Variants in SLC35A1 observed in about 807,000 individuals in gnomAD.
The protein encoded by SLC35A1 is solute carrier family 35 member A1, also known as CMP-sialic acid transporter.
In SLC35A1, 21 loss-of-function variants were observed where a neutral mutation model predicts 40.3. The ratio of observed to expected loss-of-function variants is 0.52; its 90% confidence interval spans 0.37 to 0.75. SLC35A1 has a LOEUF of 0.75. SLC35A1 is among the 30% of genes least tolerant of loss of function. The probability of loss-of-function intolerance (pLI) is 0.00; values close to 1 mark genes in which losing one functional copy is unlikely to be tolerated. For missense variants in SLC35A1, 297 were observed against 382.1 expected, an observed-to-expected ratio of 0.78 and a Z score of 1.86; for synonymous variants, 146 against 147.3, an observed-to-expected ratio of 0.99 and a Z score of 0.06.
chr6:87,475,860 G>T (rs757583521), intron 1 of SLC35A1, among the ~76,000 whole-genome samples: 3 of 152,192 alleles, frequency 2.0e-5, no homozygotes, highest in Non-Finnish European at 4.4e-5. Context: ...GTCAAAGTAT[G>T]GCTCTGGAAA....
At chr6:87,480,635 TAAAG>T (rs993948835) in intron 2 of SLC35A1, among the ~76,000 whole-genome samples, 3 of 152,164 alleles carry the variant, frequency 2.0e-5, no homozygotes, top group African/African-American at 7.2e-5. Context: ...AAGCGCATCT[TAAAG>T]AAGCCTATAG....
At chr6:87,509,642 GGT>G (rs1770192522) in intron 7 of SLC35A1, among the ~76,000 whole-genome samples, 1 of 151,934 alleles carries the variant, frequency 6.6e-6, no homozygotes, top group Non-Finnish European at 1.5e-5. Flanking sequence ...TTTGCATTTG[GGT>G]GTGAGACGGT....
chr6:87,502,302 C>T (rs910519917), intron 4 of SLC35A1, among the ~76,000 whole-genome samples: 10 of 152,142 alleles, frequency 6.6e-5, no homozygotes, highest in Admixed American at 2.6e-4. Context: ...CTAAGTAATA[C>T]GAGGCACAGT....
At chr6:87,483,013 C>T (rs958199621) in intron 2 of SLC35A1, among the ~76,000 whole-genome samples, 5 of 152,140 alleles carry the variant, frequency 3.3e-5, no homozygotes, top group African/African-American at 1.2e-4. Flanking sequence ...GATCTCAGTG[C>T]TTTCAGGCTG....
intron 2 of SLC35A1, among the ~76,000 whole-genome samples, chr6:87,496,956 CTTG>C (rs1021958562): frequency 1.3e-5 from 2 of 151,980 alleles, no homozygotes; most frequent in African/African-American, 4.8e-5. Context: ...ATATATTGCT[CTTG>C]TTACTTTTAT....
chr6:87,497,079 C>G (rs1240978450), intron 2 of SLC35A1, among the ~76,000 whole-genome samples: 7 of 152,100 alleles, frequency 4.6e-5, no homozygotes, highest in African/African-American at 1.7e-4. Context: ...TTACCCTCTT[C>G]TTTAAAACTT....
chr6:87,476,394 T>C (rs1582163716), intron 1 of SLC35A1, among the ~76,000 whole-genome samples: 1 of 152,336 alleles, frequency 6.6e-6, no homozygotes, highest in South Asian at 2.1e-4. Flanking sequence ...GGTTTCATGC[T>C]TTGCATCCAC....
rs193274020 is a variant in SLC35A1 at position 87,508,915 on chromosome 6, C to T, written c.752-126C>T. 2.4e-5 allele frequency: 25 copies of T among 1,050,950 alleles called. No individual in the cohort carries two copies. The African/African-American group carries it at 2.8e-4, about 12-fold the overall frequency. The allele number at this position is 1,050,950 out of a possible 1,614,324, so 65.1% of individuals were successfully genotyped here. ...AGTACAAACTCTCAGATGGCTCCTTCTAAGGAAAACAGTATTTTCCTTTTC... is the reference window on the plus strand; with the variant it reads ...AGTACAAACTCTCAGATGGCTCCTTTTAAGGAAAACAGTATTTTCCTTTTC... On this transcript the variant is annotated intron_variant, in intron 6 of 7. Coordinates refer to ENST00000369552, the MANE Select transcript of SLC35A1 (RefSeq NM_006416.5).
At chr6:87,478,499 A>G (rs1277270204) in intron 2 of SLC35A1, among the ~76,000 whole-genome samples, 2 of 152,142 alleles carry the variant, frequency 1.3e-5, no homozygotes, top group Non-Finnish European at 2.9e-5. Flanking sequence ...AGCAGGGAGG[A>G]ATAGTGTTGT....
At chr6:87,497,919 G>A (rs1224311129) in intron 2 of SLC35A1, among the ~76,000 whole-genome samples, 3 of 151,032 alleles carry the variant, frequency 2.0e-5, no homozygotes, top group Admixed American at 6.6e-5. Flanking sequence ...TTAAGAGAAG[G>A]GATTTTCCTC....
chr6:87,491,691 T>G (rs1769556659), intron 2 of SLC35A1, among the ~76,000 whole-genome samples: 1 of 152,196 alleles, frequency 6.6e-6, no homozygotes. Flanking sequence ...TCTTACATTT[T>G]TGGAGGCTGG....
rs763621828 is a variant in SLC35A1, at chr6:87,506,443, T to C, written c.569T>C (p.Phe190Ser). 1.6e-5 allele frequency: 26 copies of C among 1,613,328 alleles called. No homozygotes were observed. Among genetic ancestry groups the C allele is most frequent in the Non-Finnish European group, 2.0e-5 (23 of 1,179,476 alleles). ...GCTATTGCTGTATTGTGCTCAGGAT[T>C]TGCAGGTAAATCATGAAAGCATTGT... ...AIAIAVLCSGFAGVYFEKVLK... is the reference protein window; with the variant it reads ...AIAIAVLCSGSAGVYFEKVLK... Residue 190 changes from phenylalanine (F) to serine (S), a missense_variant, in exon 5 of 8, where the codon TTT (phenylalanine) becomes TCT (serine). Physicochemically the swap from Phe to Ser is radical, Grantham distance 155. Transcript: ENST00000369552.
chr6:87,509,018 TTTTA>T lies in SLC35A1; in HGVS notation c.752-19_752-16del. 6.2e-7 allele frequency: 1 copy of T among 1,613,208 alleles called. No individual in the cohort carries two copies. The highest frequency in any genetic ancestry group is 8.5e-7 in the Non-Finnish European group (1 of 1,179,178). Reference sequence around the variant, plus strand: ...TGTTTCATTTATTTGAGTGATAAGATTTTATTTCTCTCTGTATACAAGTTCTTGC... The same window carrying T: ...TGTTTCATTTATTTGAGTGATAAGATTTTCTCTCTGTATACAAGTTCTTGC... On this transcript the variant is annotated intron_variant, in intron 6 of 7. Transcript: ENST00000369552.
intron 2 of SLC35A1, among the ~76,000 whole-genome samples, chr6:87,490,020 G>A (rs1432874092): frequency 6.6e-6 from 1 of 151,924 alleles, no homozygotes; most frequent in Admixed American, 6.6e-5. Context: ...CTTGAGGCCA[G>A]GGGTTAAAGA....
In SLC35A1 at chr6:87,511,555, G is replaced by C. The variant is rs756303981; in HGVS notation, c.*29G>C. 3 of 1,611,852 alleles carry C rather than the reference G, an allele frequency of 1.9e-6. No individual in the cohort carries two copies. Among genetic ancestry groups the C allele is most frequent in the Non-Finnish European group, 2.5e-6 (3 of 1,178,116 alleles). On this transcript the variant is annotated 3_prime_UTR_variant, in exon 8 of 8. Transcript: ENST00000369552. ...TAGCCTCACGTGAGACTCCTTTTAA[G>C]ACTAAACCATTTGCATTAAACTAGA... is the stretch of plus-strand genomic sequence containing the variant.
At chr6:87,476,934 G>C (rs1294716602) in intron 1 of SLC35A1, among the ~76,000 whole-genome samples, 2 of 152,076 alleles carry the variant, frequency 1.3e-5, no homozygotes, top group Admixed American at 6.5e-5. Flanking sequence ...CACGAGAATC[G>C]CTTGAACCTG....
In SLC35A1 at chr6:87,500,604, G is replaced by C; in HGVS notation, c.291G>C (p.Val97=). 1 of 1,614,130 alleles carries C rather than the reference G, an allele frequency of 6.2e-7. No individual in the cohort carries two copies. The highest frequency in any genetic ancestry group is 8.5e-7 in the Non-Finnish European group (1 of 1,179,994). Residue 97 remains valine (V), a synonymous_variant, in exon 3 of 8, where the codon GTG becomes GTC. Transcript: ENST00000369552. ...ELLKLSVPSL[V]YAVQNNMAFL... ...TGAAGTTAAGTGTGCCATCGTTAGT[G>C]TATGCTGTTCAGAACAACATGGCTT...
At chr6:87,502,848 C>T (rs1582191441) in intron 4 of SLC35A1, among the ~76,000 whole-genome samples, 1 of 152,190 alleles carries the variant, frequency 6.6e-6, no homozygotes, top group Non-Finnish European at 1.5e-5. Flanking sequence ...CCATGCACTC[C>T]TCCACTACTG....
At chr6:87,483,638 C>T (rs1769309296) in intron 2 of SLC35A1, among the ~76,000 whole-genome samples, 1 of 152,120 alleles carries the variant, frequency 6.6e-6, no homozygotes, top group South Asian at 2.1e-4. Flanking sequence ...CCAGGGATGT[C>T]TTGCCTTGCC....
Sources: gnomAD v4.1 joint callset for allele counts (sites outside exome capture counted in the v4.1 genomes callset) on GRCh38, gnomAD v4.1.1 for gene constraint, MANE v1.5 for transcripts, NCBI Gene and HGNC (gene_info 2026-07-23, HGNC 2026-07-21) for gene names.